ZCCHC8: variants seen among roughly 807,000 people sequenced by gnomAD.
ZCCHC8 encodes the protein zinc finger CCHC-type containing 8, also known as zinc finger CCHC domain-containing protein 8.
In ZCCHC8, 27 loss-of-function variants were observed where a neutral mutation model predicts 70.6. That is an observed-to-expected ratio of 0.38 (90% CI 0.28 to 0.53). The LOEUF (loss-of-function observed/expected upper bound fraction) is 0.53, where lower values mean the gene tolerates loss of function less well. Among genes scored for constraint, ZCCHC8 ranks in the 20% least tolerant of loss-of-function variants. The pLI is 0.81. For missense variants in ZCCHC8, 737 were observed against 876.9 expected (o/e 0.84, Z 2.01); for synonymous variants, 293 against 317.4 (o/e 0.92, Z 0.82).
In ZCCHC8 at chr12:122,477,958, G is replaced by C; in HGVS notation, c.1228C>G (p.Pro410Ala). 1 of 1,608,664 alleles carries C rather than the reference G, an allele frequency of 6.2e-7. No individual in the cohort carries two copies. Among genetic ancestry groups the C allele is most frequent in the East Asian group, 2.2e-5 (1 of 44,846 alleles). Residue 410 changes from proline to alanine, a missense_variant and splice_region_variant, in exon 13 of 14, where the codon CCA becomes GCA. Coordinates refer to ENST00000633063, the MANE Select transcript of ZCCHC8 (RefSeq NM_017612.5). Reference sequence around the variant, plus strand: ...CTCTTGTTGCCAGACTTCACACCTGGCTAAAAGAGCAACCAGACCAAACAC... The same window carrying C: ...CTCTTGTTGCCAGACTTCACACCTGCCTAAAAGAGCAACCAGACCAAACAC... ...ANYLTSNFQA[P>A]GVKSGNKRSS...
intron 13 of ZCCHC8, among the ~76,000 whole-genome samples, chr12:122,475,596 C>T (rs930243158): frequency 2.0e-5 from 3 of 152,206 alleles, no homozygotes; most frequent in Non-Finnish European, 4.4e-5. Flanking sequence ...GGGGTGCATG[C>T]TCTCCTGCTG....
chr12:122,478,376 T>C (rs1957463130), intron 11 of ZCCHC8, 84 bp from the exon 12 acceptor site: 1 of 890,344 alleles, frequency 1.1e-6, no homozygotes, highest in Non-Finnish European at 1.7e-6. Flanking sequence ...GGAGGTACAG[T>C]GGAGATCTCA....
At chr12:122,478,326 A>G (rs1465981944) in intron 11 of ZCCHC8, 34 bp from the exon 12 acceptor site, 5 of 1,447,324 alleles carry the variant, frequency 3.5e-6, no homozygotes, top group East Asian at 4.8e-5. Flanking sequence ...AAAAAAACAC[A>G]TGTATTTGGA....
rs753182055 is a variant in ZCCHC8, at chr12:122,500,419, G to T, written c.199+223C>A. 17 of 607,018 alleles carry T rather than the reference G, an allele frequency of 2.8e-5. No individual in the cohort carries two copies. The highest frequency in any genetic ancestry group is 4.5e-5 in the Non-Finnish European group (16 of 354,012). The allele number at this position is 607,018 out of a possible 1,614,324, so 37.6% of individuals were successfully genotyped here. On this transcript the variant is annotated intron_variant, in intron 1 of 13. Transcript: ENST00000633063. The surrounding 1 kb of genome is among the most constrained non-coding windows in gnomAD (Gnocchi z 4.8). ...GGGAGGCAGGAGTGGGTCTGGTCAG[G>T]AGACGGCCTCCCTGAGGGGAAGAGG...
chr12:122,476,167 C>G (rs1172281675), intron 13 of ZCCHC8, among the ~76,000 whole-genome samples: 1 of 152,250 alleles, frequency 6.6e-6, no homozygotes, highest in Non-Finnish European at 1.5e-5. Flanking sequence ...GTTTACACAT[C>G]TGCAATCCCG....
rs140220309 is a variant in ZCCHC8, at chr12:122,474,906, T to A, written c.1346-631A>T. 4.8e-3 allele frequency among the ~76,000 whole-genome samples: 724 copies of A among 152,076 alleles called. 6 individuals are homozygous for A. The highest frequency in any genetic ancestry group is 0.016 in the South Asian group (78 of 4,816). On this transcript the variant is annotated intron_variant, in intron 13 of 13. Transcript: ENST00000633063. Reference sequence around the variant, plus strand: ...TGCACCACCACGCCTGGCAAATTTTTGTATTTTTAGTAGAGACAGGGTTTC... The same window carrying A: ...TGCACCACCACGCCTGGCAAATTTTAGTATTTTTAGTAGAGACAGGGTTTC...
chr12:122,478,347 T>A, intron 11 of ZCCHC8, 55 bp from the exon 12 acceptor site: 1 of 1,352,270 alleles, frequency 7.4e-7, no homozygotes, highest in Non-Finnish European at 1.0e-6. Context: ...AAATGTCATG[T>A]TTTGAGATTT....
intron 5 of ZCCHC8, among the ~76,000 whole-genome samples, chr12:122,487,872 TTTTG>T (rs201194069): frequency 0.025 from 3,719 of 151,540 alleles, 133 homozygotes; most frequent in African/African-American, 0.082. Flanking sequence ...TATATATATA[TTTTG>T]TTTGTTTGTT....
rs1957449748 is a variant in ZCCHC8 at position 122,477,838 on chromosome 12, T to C, written c.1345+3A>G. On this transcript the variant is annotated splice_donor_region_variant and intron_variant, in intron 13 of 13. Coordinates refer to ENST00000633063, the MANE Select transcript of ZCCHC8 (RefSeq NM_017612.5). ...GAAATCAGAGCCATAGGATGAAACC[T>C]ACCTGAATCGAGCTCCATGTCGGCG... 2.6e-6 allele frequency: 4 copies of C among 1,518,782 alleles called. No homozygotes were observed. Among genetic ancestry groups the C allele is most frequent in the Non-Finnish European group, 3.6e-6 (4 of 1,097,022 alleles). 94.1% of individuals were successfully genotyped at this position (1,518,782 alleles called of 1,614,324 possible). A position where few individuals can be genotyped will look rare whatever the true frequency, so the allele number is the denominator to read the frequency against.
Position 122,483,743 on chromosome 12 carries a change from C to T in ZCCHC8, c.502-180G>A, listed in dbSNP as rs1957582052. 5.1e-6 allele frequency: 3 copies of T among 588,836 alleles called. No individual in the cohort carries two copies. In the East Asian group the frequency reaches 8.7e-5, roughly 17 times the overall value. The allele number at this position is 588,836 out of a possible 1,614,324, so 36.5% of individuals were successfully genotyped here. A position where few individuals can be genotyped will look rare whatever the true frequency, so the allele number is the denominator to read the frequency against. On this transcript the variant is annotated intron_variant, in intron 5 of 13. Transcript: ENST00000633063. This position sits in a 1 kb window ranked among gnomAD's most constrained non-coding sequence, Gnocchi z 4.4. ...TAAGTAGAAACTACATCGTCAGTTC[C>T]CTCTCTCTGCTAGATCAGTTTTTCC...
chr12:122,496,587 C>T (rs565054683), intron 2 of ZCCHC8, among the ~76,000 whole-genome samples: 5 of 152,018 alleles, frequency 3.3e-5, no homozygotes, highest in Non-Finnish European at 2.9e-5. Flanking sequence ...ATATTGAATA[C>T]CTAATCAAAA....
At chr12:122,497,260 G>A (rs963397489) in intron 2 of ZCCHC8, among the ~76,000 whole-genome samples, 1 of 152,130 alleles carries the variant, frequency 6.6e-6, no homozygotes, top group African/African-American at 2.4e-5. Context: ...TTCATGTGAG[G>A]CCAGGTGCAG....
chr12:122,473,342 C>A lies in ZCCHC8; in HGVS notation c.*155G>T. 1.1e-6 allele frequency: 1 copy of A among 905,956 alleles called. No homozygotes were observed. The highest frequency in any genetic ancestry group is 1.6e-6 in the Non-Finnish European group (1 of 613,922). The allele number at this position is 905,956 out of a possible 1,614,324, so 56.1% of individuals were successfully genotyped here. A position where few individuals can be genotyped will look rare whatever the true frequency, so the allele number is the denominator to read the frequency against. On this transcript the variant is annotated 3_prime_UTR_variant, in exon 14 of 14. Coordinates refer to ENST00000633063, the MANE Select transcript of ZCCHC8 (RefSeq NM_017612.5). Reference sequence around the variant, plus strand: ...AATATACTGAACTAGTGAGCTCAGTCTTTCTTTAAAATAGGCTTGACTTTG... The same window carrying A: ...AATATACTGAACTAGTGAGCTCAGTATTTCTTTAAAATAGGCTTGACTTTG...
Position 122,483,675 on chromosome 12 carries a change from AAAT to A in ZCCHC8, c.502-115_502-113del, listed in dbSNP as rs1412373984. On this transcript the variant is annotated intron_variant, in intron 5 of 13. Coordinates refer to ENST00000633063, the MANE Select transcript of ZCCHC8 (RefSeq NM_017612.5). The surrounding 1 kb of genome is among the most constrained non-coding windows in gnomAD (Gnocchi z 4.4). ...ATTTATTTTTGGATGGAATTATTAG[AAAT>A]AATAACTTCCTTGTTATTAAGGAGC... 13 of 894,036 alleles carry A rather than the reference AAAT, an allele frequency of 1.5e-5. No individual in the cohort carries two copies. In the African/African-American group the frequency reaches 2.2e-4, roughly 15 times the overall value. 55.4% of individuals were successfully genotyped at this position (894,036 alleles called of 1,614,324 possible). A position where few individuals can be genotyped will look rare whatever the true frequency, so the allele number is the denominator to read the frequency against.
intron 3 of ZCCHC8, 125 bp from the exon 4 acceptor site, chr12:122,490,692 C>T (rs1957728267): frequency 3.8e-6 from 2 of 531,532 alleles, no homozygotes; most frequent in South Asian, 5.6e-5. Flanking sequence ...TAATAAATCA[C>T]TGACTCTGTA....
chr12:122,495,026 A>G (rs1452730320), intron 2 of ZCCHC8, among the ~76,000 whole-genome samples: 1 of 152,226 alleles, frequency 6.6e-6, no homozygotes, highest in East Asian at 1.9e-4. Flanking sequence ...AGTGGTGGTT[A>G]TGCATGAAAA....
At chr12:122,490,818 AT>A (rs1472352956) in intron 3 of ZCCHC8, 1 of 280,526 alleles carries the variant, frequency 3.6e-6, no homozygotes, top group Non-Finnish European at 6.6e-6. Context: ...TGTGCAAAGA[AT>A]ACACGGATTT....
chr12:122,471,794 T>A lies in ZCCHC8; in HGVS notation c.*1703A>T, dbSNP rs1464154236. 6.6e-6 allele frequency: 1 copy of A among 152,208 alleles called. No homozygotes were observed. Among genetic ancestry groups the A allele is most frequent in the Non-Finnish European group, 1.5e-5 (1 of 68,038 alleles). The allele number at this position is 152,208 out of a possible 1,614,324, so 9.4% of individuals were successfully genotyped here. On this transcript the variant is annotated 3_prime_UTR_variant, in exon 14 of 14. Transcript: ENST00000633063. ...CAAGTTCTCAAAAATGAAAGCTATA[T>A]CTGGAATGTTTCTATTTTGCTCCCC... is the stretch of plus-strand genomic sequence containing the variant.
At chr12:122,477,637 A>T (rs958102010) in intron 13 of ZCCHC8, among the ~76,000 whole-genome samples, 3 of 149,438 alleles carry the variant, frequency 2.0e-5, no homozygotes, top group Non-Finnish European at 4.5e-5. Context: ...AAAAAAGTAC[A>T]AAAATTAGCT....
Sources: allele counts gnomAD v4.1 joint callset (sites outside exome capture counted in the v4.1 genomes callset), GRCh38; gene constraint gnomAD v4.1.1; non-coding constraint Gnocchi (gnomAD v3.1); transcripts MANE v1.5; gene names NCBI Gene and HGNC (gene_info 2026-07-23, HGNC 2026-07-21).